The following EYA4 variants were observed in gnomAD, a reference collection of about 807,000 sequenced individuals.
The protein encoded by EYA4 is protein phosphatase EYA4.
Under a neutral mutation model 87.9 loss-of-function variants are expected in EYA4, and 31 were observed. That is an observed-to-expected ratio of 0.35 (90% confidence interval 0.27 to 0.48). The LOEUF (loss-of-function observed/expected upper bound fraction) is 0.48, where lower values mean the gene tolerates loss of function less well. EYA4 is among the 20% of genes least tolerant of loss of function. EYA4 has a pLI of 0.99. For missense variants in EYA4, 678 were observed against 761.4 expected (o/e 0.89, Z 1.29); for synonymous variants, 263 against 270.6 (o/e 0.97, Z 0.28).
chr6:133,266,129 C>T (rs1330558477), intron 1 of EYA4, among the ~76,000 whole-genome samples: 1 of 152,134 alleles, frequency 6.6e-6, no homozygotes, highest in African/African-American at 2.4e-5. Context: ...AATGTGACCT[C>T]ATTTGGAAAC....
chr6:133,307,801 G>A (rs1779919640), intron 2 of EYA4, among the ~76,000 whole-genome samples: 1 of 152,126 alleles, frequency 6.6e-6, no homozygotes, highest in Non-Finnish European at 1.5e-5. Flanking sequence ...AGATTTGAAA[G>A]GCTGTAGAAC....
intron 2 of EYA4, among the ~76,000 whole-genome samples, chr6:133,347,363 T>G (rs1783275141): frequency 6.6e-6 from 1 of 152,160 alleles, no homozygotes; most frequent in African/African-American, 2.4e-5. Context: ...CTTTTTAAAT[T>G]TTTTTTTCAA....
chr6:133,398,762 C>A (rs1336302037), intron 3 of EYA4, among the ~76,000 whole-genome samples: 2 of 152,110 alleles, frequency 1.3e-5, no homozygotes, highest in Non-Finnish European at 2.9e-5. Flanking sequence ...AAGCGAATGG[C>A]AGTTTCCTAA....
intron 1 of EYA4, among the ~76,000 whole-genome samples, chr6:133,260,130 TA>T (rs1240588830): frequency 6.6e-6 from 1 of 152,216 alleles, no homozygotes; most frequent in African/African-American, 2.4e-5. Context: ...CTGTTTTAAG[TA>T]TACCTATCTA....
Position 133,481,404 on chromosome 6 carries a change from G to A in EYA4, c.971-59G>A, listed in dbSNP as rs41286202. 0.072 allele frequency: 106,354 copies of A among 1,486,398 alleles called. 4,461 individuals are homozygous for A. The highest frequency in any genetic ancestry group is 0.087 in the Non-Finnish European group (92,466 of 1,065,510). 92.1% of individuals were successfully genotyped at this position (1,486,398 alleles called of 1,614,324 possible). A position where few individuals can be genotyped will look rare whatever the true frequency, so the allele number is the denominator to read the frequency against. On this transcript the variant is annotated intron_variant, in intron 11 of 19. Coordinates refer to ENST00000355286, the MANE Select transcript of EYA4 (RefSeq NM_004100.5). ...ATTTGTTAAGATAATTAATAATGAA[G>A]ACTCATACTTGATCTAAAAATGAAG...
At chr6:133,518,412 T>C (rs1218509450) in intron 17 of EYA4, among the ~76,000 whole-genome samples, 2 of 152,148 alleles carry the variant, frequency 1.3e-5, no homozygotes, top group Non-Finnish European at 2.9e-5. Context: ...TATTACCATA[T>C]TGATACAATT....
chr6:133,338,203 T>C (rs1782519689), intron 2 of EYA4, among the ~76,000 whole-genome samples: 1 of 152,120 alleles, frequency 6.6e-6, no homozygotes, highest in Non-Finnish European at 1.5e-5. Flanking sequence ...AAGTAATAGA[T>C]ACCCATTTTA....
chr6:133,483,510 A>ATCTT (rs1796408158), intron 13 of EYA4, among the ~76,000 whole-genome samples: 1 of 151,912 alleles, frequency 6.6e-6, no homozygotes, highest in East Asian at 1.9e-4. Context: ...ATAGCGAGTA[A>ATCTT]TCTTTCGTCT....
chr6:133,318,985 G>A (rs966823054), intron 2 of EYA4, among the ~76,000 whole-genome samples: 4 of 152,176 alleles, frequency 2.6e-5, no homozygotes, highest in African/African-American at 9.6e-5. Flanking sequence ...GGTTATAGGA[G>A]GCCACATTTA....
intron 2 of EYA4, among the ~76,000 whole-genome samples, chr6:133,303,916 GAGGTGA>G (rs1277521308): frequency 1.9e-4 from 29 of 152,142 alleles, no homozygotes; most frequent in Non-Finnish European, 4.1e-4. Flanking sequence ...CTCCTGGCTG[GAGGTGA>G]AGGTGGAGGT....
chr6:133,405,647 A>C (rs1788638803), intron 3 of EYA4, among the ~76,000 whole-genome samples: 1 of 152,226 alleles, frequency 6.6e-6, no homozygotes, highest in African/African-American at 2.4e-5. Flanking sequence ...CAAAGTATAA[A>C]ACAGACAAAA....
chr6:133,525,079 T>C (rs1470149398), intron 18 of EYA4, 75 bp from the exon 19 acceptor site: 1 of 1,613,686 alleles, frequency 6.2e-7, no homozygotes, highest in Admixed American at 1.7e-5. Context: ...ATGTTGTGAT[T>C]GGAGATGGCC....
chr6:133,293,863 G>C (rs1034920128), intron 2 of EYA4, among the ~76,000 whole-genome samples: 2 of 151,208 alleles, frequency 1.3e-5, no homozygotes, highest in Non-Finnish European at 2.9e-5. Context: ...CCTGAGCCCT[G>C]GAAGTGGAGG....
intron 2 of EYA4, among the ~76,000 whole-genome samples, chr6:133,345,452 A>T (rs1418263757): frequency 6.6e-6 from 1 of 152,138 alleles, no homozygotes; most frequent in Admixed American, 6.6e-5. Context: ...AAATATTTTA[A>T]ATTAAAAATG....
intron 2 of EYA4, among the ~76,000 whole-genome samples, chr6:133,289,898 AAGG>A (rs1424974413): frequency 2.6e-5 from 4 of 152,330 alleles, no homozygotes; most frequent in African/African-American, 9.6e-5. Flanking sequence ...AGCAGGGTAG[AAGG>A]AGAACTGCGA....
At chr6:133,326,826 G>A (rs1040966429) in intron 2 of EYA4, among the ~76,000 whole-genome samples, 1 of 152,148 alleles carries the variant, frequency 6.6e-6, no homozygotes, top group Non-Finnish European at 1.5e-5. Context: ...CGGTGACGTC[G>A]TCATCTTCCA....
At chr6:133,469,613 C>A (rs1046849315) in intron 11 of EYA4, among the ~76,000 whole-genome samples, 1 of 151,648 alleles carries the variant, frequency 6.6e-6, no homozygotes, top group Non-Finnish European at 1.5e-5. Flanking sequence ...TAGTTTTTTT[C>A]AACAAATGGT....
intron 5 of EYA4, among the ~76,000 whole-genome samples, chr6:133,454,441 G>A (rs1793734871): frequency 6.6e-6 from 1 of 152,206 alleles, no homozygotes; most frequent in Non-Finnish European, 1.5e-5. Flanking sequence ...CTGAGAGGCA[G>A]TATGGTTTAA....
chr6:133,277,824 T>C (rs1156950985), intron 2 of EYA4, among the ~76,000 whole-genome samples: 1 of 152,226 alleles, frequency 6.6e-6, no homozygotes, highest in African/African-American at 2.4e-5. Flanking sequence ...TAATCCTCCT[T>C]TTCTTCATCC....
Sources: gnomAD v4.1 joint callset for allele counts (sites outside exome capture counted in the v4.1 genomes callset) on GRCh38, gnomAD v4.1.1 for gene constraint, MANE v1.5 for transcripts, NCBI Gene and HGNC (gene_info 2026-07-23, HGNC 2026-07-21) for gene names.